LNPK: variants seen among roughly 807,000 people sequenced by gnomAD.
LNPK encodes lunapark, ER junction formation factor, also known as endoplasmic reticulum junction formation protein lunapark.
A neutral mutation model predicts 55.2 loss-of-function variants in LNPK; 29 were observed. That is an observed-to-expected ratio of 0.53 (90% CI 0.39 to 0.72). LNPK has a LOEUF of 0.72. Among genes scored for constraint, LNPK ranks in the 30% least tolerant of loss-of-function variants. LNPK has a pLI of 0.00. For missense variants in LNPK, 467 were observed against 494.8 expected (o/e 0.94, Z 0.53); for synonymous variants, 162 against 168.2 (o/e 0.96, Z 0.29).
intron 8 of LNPK, among the ~76,000 whole-genome samples, chr2:175,962,601 C>A (rs914477693): frequency 1.3e-5 from 2 of 152,126 alleles, no homozygotes; most frequent in African/African-American, 4.8e-5. Context: ...CATAAAAAAC[C>A]TAGAAGAAAA....
At chr2:175,994,730 T>A in intron 2 of LNPK, among the ~76,000 whole-genome samples, 1 of 151,274 alleles carries the variant, frequency 6.6e-6, no homozygotes, top group East Asian at 2.0e-4. Context: ...ATTTATACAA[T>A]TCATATTTTC....
chr2:175,941,847 A>C (rs1306537404), intron 9 of LNPK, among the ~76,000 whole-genome samples: 2 of 137,274 alleles, frequency 1.5e-5, no homozygotes, highest in East Asian at 2.1e-4. Context: ...TTAAAAAAAA[A>C]AAACAAAAAA....
intron 2 of LNPK, among the ~76,000 whole-genome samples, chr2:175,993,708 G>C (rs1027449671): frequency 6.6e-6 from 1 of 151,974 alleles, no homozygotes; most frequent in Non-Finnish European, 1.5e-5. Flanking sequence ...CACGAGAATT[G>C]ATTGAACCCG....
At chr2:175,994,343 A>G in intron 2 of LNPK, 1 of 984,046 alleles carries the variant, frequency 1.0e-6, no homozygotes. Flanking sequence ...TTATAAGGTC[A>G]TAACAGGGTC....
At chr2:175,945,566 A>C (rs988237723) in intron 9 of LNPK, among the ~76,000 whole-genome samples, 5 of 151,928 alleles carry the variant, frequency 3.3e-5, no homozygotes, top group Admixed American at 3.3e-4. Context: ...TACTTGTGCT[A>C]ACAACATTCA....
rs1683906020 is a variant in LNPK, at chr2:175,924,109, T to TTTTTTTTTTTTTTTTTGAG, written c.*5857_*5858insCTCAAAAAAAAAAAAAAAA. ...AATCATCTCTACCTTGGTTCATCTT[T>TTTTTTTTTTTTTTTTTGAG]ACACAAGTACTTGAATTCCCTTTAA... On this transcript the variant is annotated 3_prime_UTR_variant, in exon 13 of 13. Coordinates refer to ENST00000272748, the MANE Select transcript of LNPK (RefSeq NM_030650.3). 1 of 152,212 alleles carries TTTTTTTTTTTTTTTTTGAG rather than the reference T, an allele frequency of 6.6e-6. No homozygotes were observed. The highest frequency in any genetic ancestry group is 2.4e-5 in the African/African-American group (1 of 41,470). The allele number at this position is 152,212 out of a possible 1,614,324, so 9.4% of individuals were successfully genotyped here. A position where few individuals can be genotyped will look rare whatever the true frequency, so the allele number is the denominator to read the frequency against.
At chr2:175,992,205 A>T (rs1390812821) in intron 4 of LNPK, 26 bp downstream of exon 4, 1 of 1,473,948 alleles carries the variant, frequency 6.8e-7, no homozygotes, top group African/African-American at 1.5e-5. Flanking sequence ...AAAGGAAAAG[A>T]TCAACAAAAA....
At chr2:175,956,642 AAC>A (rs1464503946) in intron 8 of LNPK, among the ~76,000 whole-genome samples, 1 of 152,190 alleles carries the variant, frequency 6.6e-6, no homozygotes, top group African/African-American at 2.4e-5. Flanking sequence ...AGAACCATAA[AAC>A]ACAGGTCTTG....
chr2:175,935,988 G>A (rs1169776195), intron 12 of LNPK, among the ~76,000 whole-genome samples: 2 of 152,084 alleles, frequency 1.3e-5, no homozygotes, highest in East Asian at 3.8e-4. Context: ...GCTAGTCATG[G>A]AAAAGACTTC....
chr2:175,987,358 T>C (rs535567453), intron 4 of LNPK, among the ~76,000 whole-genome samples: 252 of 152,204 alleles, frequency 1.7e-3, no homozygotes, highest in African/African-American at 5.6e-3. Context: ...AAATGATGAG[T>C]TCATGTCCTT....
At chr2:175,967,846 C>A in intron 6 of LNPK, 1 of 661,814 alleles carries the variant, frequency 1.5e-6, no homozygotes, top group Non-Finnish European at 1.9e-6. Flanking sequence ...GAAAACATTA[C>A]TGGGTAATAC....
chr2:175,964,348 A>T, intron 8 of LNPK, 24 bp downstream of exon 8: 2 of 1,601,204 alleles, frequency 1.2e-6, no homozygotes, highest in Non-Finnish European at 1.7e-6. Flanking sequence ...CAACAGCAGC[A>T]GCAGTTTCTA....
rs10674444 is a variant in LNPK, at chr2:175,995,804, CTTTTTTTTTTTTT to C, written c.-62-171_-62-159del. On this transcript the variant is annotated intron_variant, in intron 1 of 12. Transcript: ENST00000272748. The stretch of plus-strand genomic sequence containing the variant: ...AGACAGTTATTGGGATAGAGTCTAC[CTTTTTTTTTTTTT>C]TTTTTTTTTTTTTTGAGATGGAGAC... Among the ~76,000 whole-genome samples, 63 of 66,424 alleles carry C rather than the reference CTTTTTTTTTTTTT, an allele frequency of 9.5e-4. 1 individual carries two copies. The Admixed American group carries it at 0.016, about 17-fold the overall frequency. 43.6% of individuals were successfully genotyped at this position (66,424 alleles called of 152,430 possible).
intron 9 of LNPK, among the ~76,000 whole-genome samples, chr2:175,940,541 GGTAAA>G (rs1244513588): frequency 1.3e-5 from 2 of 152,050 alleles, no homozygotes; most frequent in African/African-American, 2.4e-5. Context: ...CAGGCCATTA[GGTAAA>G]GTATTCAGAA....
At chr2:175,978,334 T>C (rs2105677813) in intron 5 of LNPK, among the ~76,000 whole-genome samples, 1 of 152,294 alleles carries the variant, frequency 6.6e-6, no homozygotes, top group South Asian at 2.1e-4. Flanking sequence ...TCGGAGGGTA[T>C]TGGGACCAAT....
At chr2:175,938,202 C>A in intron 11 of LNPK, 111 bp downstream of exon 11, 2 of 646,622 alleles carry the variant, frequency 3.1e-6, no homozygotes, top group Non-Finnish European at 5.4e-6. Flanking sequence ...ATATGCCTAA[C>A]CAATGTATAC....
chr2:175,985,189 A>G (rs1687347718), intron 4 of LNPK, among the ~76,000 whole-genome samples: 1 of 152,220 alleles, frequency 6.6e-6, no homozygotes, highest in African/African-American at 2.4e-5. Context: ...GGCAGGGGTT[A>G]GGAATGCGGA....
chr2:175,930,256 A>G, intron 12 of LNPK, 57 bp from the exon 13 acceptor site: 1 of 1,317,844 alleles, frequency 7.6e-7, no homozygotes, highest in South Asian at 1.2e-5. Context: ...ACTGCTAAAT[A>G]AGGCAAGCAA....
chr2:175,970,085 T>C (rs1263257728), intron 6 of LNPK, among the ~76,000 whole-genome samples: 6 of 152,208 alleles, frequency 3.9e-5, no homozygotes, highest in African/African-American at 1.4e-4. Flanking sequence ...CAGTTATCAT[T>C]TTCACACTTC....
Sources: gnomAD v4.1 joint callset for allele counts (sites outside exome capture counted in the v4.1 genomes callset) on GRCh38, gnomAD v4.1.1 for gene constraint, MANE v1.5 for transcripts, NCBI Gene and HGNC (gene_info 2026-07-23, HGNC 2026-07-21) for gene names.